The following GALM variants were observed in gnomAD, a reference collection of about 807,000 sequenced individuals.
GALM encodes the protein galactose mutarotase, also known as aldose 1-epimerase.
GALM carries 43 observed loss-of-function variants against 37.4 expected under a neutral mutation model. That is an observed-to-expected ratio of 1.15 (90% CI 0.90 to 1.48). GALM has a LOEUF of 1.48. Ranked by LOEUF, GALM falls within the 40% of genes most tolerant of loss-of-function variation. GALM has a pLI of 0.00. For missense variants in GALM, 456 were observed against 419.1 expected (o/e 1.09, Z -0.77); for synonymous variants, 199 against 170.6 (o/e 1.17, Z -1.30).
At chr2:38,687,031 C>G (rs1255447276) in intron 3 of GALM, among the ~76,000 whole-genome samples, 4 of 152,212 alleles carry the variant, frequency 2.6e-5, no homozygotes, top group Admixed American at 2.6e-4. Flanking sequence ...GGCCTGGAAC[C>G]CAACCTTCAC....
intron 2 of GALM, among the ~76,000 whole-genome samples, chr2:38,678,538 T>G (rs1285717116): frequency 6.6e-6 from 1 of 152,236 alleles, no homozygotes; most frequent in African/African-American, 2.4e-5. Context: ...ATTTCAATTA[T>G]TTAATTCCTG....
At chr2:38,672,060 C>T (rs924391086) in intron 1 of GALM, among the ~76,000 whole-genome samples, 6 of 151,860 alleles carry the variant, frequency 4.0e-5, no homozygotes, top group Admixed American at 2.0e-4. Flanking sequence ...AAACCCTATT[C>T]CTCCAAACCA....
chr2:38,678,252 C>T (rs955272220), intron 2 of GALM, among the ~76,000 whole-genome samples: 2 of 152,118 alleles, frequency 1.3e-5, no homozygotes, highest in Admixed American at 6.6e-5. Context: ...TCAGGTGATT[C>T]ACCCACCTCG....
At chr2:38,671,639 A>G (rs955471035) in intron 1 of GALM, among the ~76,000 whole-genome samples, 1 of 152,082 alleles carries the variant, frequency 6.6e-6, no homozygotes, top group African/African-American at 2.4e-5. Flanking sequence ...GGTAGTATAA[A>G]ATTTATTTGT....
At chr2:38,712,753 C>T (rs1331998230) in intron 4 of GALM, among the ~76,000 whole-genome samples, 3 of 152,246 alleles carry the variant, frequency 2.0e-5, no homozygotes, top group South Asian at 4.1e-4. Flanking sequence ...AAAGGAGGAG[C>T]GCAGGACAGC....
chr2:38,734,436 G>A lies in GALM; in HGVS notation c.*871G>A, dbSNP rs1215412277. On this transcript the variant is annotated 3_prime_UTR_variant, in exon 7 of 7. Coordinates refer to ENST00000272252, the MANE Select transcript of GALM (RefSeq NM_138801.3). ...AAAGCAGCTCTCTCTCTCGGGAGAG[G>A]GAGGGGACTTCCGAGAGGAAAAGGC... The A allele has an allele frequency of 2.6e-5, 4 of 151,234 alleles. No homozygotes were observed. The highest frequency in any genetic ancestry group is 5.9e-5 in the Non-Finnish European group (4 of 67,980). The allele number at this position is 151,234 out of a possible 1,614,324, so 9.4% of individuals were successfully genotyped here. A position where few individuals can be genotyped will look rare whatever the true frequency, so the allele number is the denominator to read the frequency against.
At chr2:38,687,933 C>A (rs564306551) in intron 3 of GALM, among the ~76,000 whole-genome samples, 14 of 152,102 alleles carry the variant, frequency 9.2e-5, no homozygotes, top group African/African-American at 3.4e-4. Flanking sequence ...ACCAGTCGGC[C>A]GGGCACAGTG....
At position 38,690,223 on chromosome 2, in the gene GALM, G is replaced by A. The variant is rs182476340; in HGVS notation, c.634+329G>A. 4.3e-3 allele frequency among the ~76,000 whole-genome samples: 659 copies of A among 152,202 alleles called. 10 individuals carry two copies. Among genetic ancestry groups the A allele is most frequent in the African/African-American group, 0.015 (619 of 41,530 alleles). ...GCGGTGGCTCACGCCTGTAATCCCAGCACTTTGAGAGGCCAAGGCGGTTGG... is the reference window on the plus strand; with the variant it reads ...GCGGTGGCTCACGCCTGTAATCCCAACACTTTGAGAGGCCAAGGCGGTTGG... On this transcript the variant is annotated intron_variant, in intron 4 of 6. Coordinates refer to ENST00000272252, the MANE Select transcript of GALM (RefSeq NM_138801.3).
At chr2:38,689,784 A>G in intron 3 of GALM, 29 bp from the exon 4 acceptor site, 1 of 1,346,904 alleles carries the variant, frequency 7.4e-7, no homozygotes. Context: ...GACTAAGCAG[A>G]AAACCTTTCC....
chr2:38,682,444 G>T (rs1401606858), intron 3 of GALM, among the ~76,000 whole-genome samples: 1 of 152,134 alleles, frequency 6.6e-6, no homozygotes, highest in Non-Finnish European at 1.5e-5. Flanking sequence ...TACTGTTTCA[G>T]GAGTTTGCTG....
At position 38,731,851 on chromosome 2, in the gene GALM, A is replaced by C. The variant is rs1464982382; in HGVS notation, c.893A>C (p.Tyr298Ser). 1 of 1,614,156 alleles carries C rather than the reference A, an allele frequency of 6.2e-7. No homozygotes were observed. The highest frequency in any genetic ancestry group is 2.2e-5 in the East Asian group (1 of 44,888). ...GTLKGKNGAVYPKHSGFCLET... is the reference protein window; with the variant it reads ...GTLKGKNGAVSPKHSGFCLET... ...TTAAAGGGCAAGAATGGAGCTGTCT[A>C]TCCCAAGCACTCCGGTTTCTGCCTG... Residue 298 changes from tyrosine to serine, a missense_variant, in exon 6 of 7, where the codon TAT (tyrosine) becomes TCT (serine). Transcript: ENST00000272252.
At chr2:38,714,196 CT>C (rs1666223869) in intron 4 of GALM, among the ~76,000 whole-genome samples, 1 of 151,764 alleles carries the variant, frequency 6.6e-6, no homozygotes, top group Admixed American at 6.6e-5. Flanking sequence ...CATTTAACTA[CT>C]TTGGGGTTTT....
At chr2:38,709,507 C>A (rs1666107896) in intron 4 of GALM, among the ~76,000 whole-genome samples, 1 of 151,870 alleles carries the variant, frequency 6.6e-6, no homozygotes, top group South Asian at 2.1e-4. Context: ...GCAATACCCT[C>A]CCCCGTTGCA....
chr2:38,670,473 AC>A (rs1665072450), intron 1 of GALM, among the ~76,000 whole-genome samples: 1 of 152,222 alleles, frequency 6.6e-6, no homozygotes, highest in Admixed American at 6.5e-5. Flanking sequence ...GCCCAGGAGC[AC>A]CCTGGTGGGA....
In GALM at chr2:38,675,971, GC is replaced by G. The variant is rs766630479; in HGVS notation, c.252del (p.Gly86GlufsTer59). 4 of 1,613,920 alleles carry G rather than the reference GC, an allele frequency of 2.5e-6. No homozygotes were observed. On this transcript the variant is annotated frameshift_variant, in exon 2 of 7. Coordinates refer to ENST00000272252, the MANE Select transcript of GALM (RefSeq NM_138801.3). LOFTEE classifies it high-confidence loss of function. Reference protein sequence around the residue: ...AVIGRVANRIAKGTFKVDGKE... With the variant: ...AVIGRVANRIXKGTFKVDGKE... ...TATTGGGAGGGTGGCCAACCGAATC[GC>G]CAAAGGAACCTTCAAGGTGGATGGG...
chr2:38,725,086 T>C (rs1175195471), intron 4 of GALM, among the ~76,000 whole-genome samples: 2 of 152,232 alleles, frequency 1.3e-5, no homozygotes, highest in African/African-American at 4.8e-5. Context: ...GGGTTAGATT[T>C]TGAGTTGACT....
chr2:38,686,294 C>A (rs1163821508), intron 3 of GALM, among the ~76,000 whole-genome samples: 1 of 106,546 alleles, frequency 9.4e-6, no homozygotes, highest in Non-Finnish European at 1.9e-5. Context: ...GAGATGGAGT[C>A]TCGCTCTGTC....
intron 1 of GALM, among the ~76,000 whole-genome samples, chr2:38,670,288 C>T (rs539200618): frequency 1.3e-5 from 2 of 152,312 alleles, no homozygotes; most frequent in African/African-American, 4.8e-5. Flanking sequence ...ATTGAAACGC[C>T]TTCCTTTTCA....
intron 4 of GALM, among the ~76,000 whole-genome samples, chr2:38,709,565 A>T (rs1161959318): frequency 6.6e-6 from 1 of 152,094 alleles, no homozygotes; most frequent in African/African-American, 2.4e-5. Flanking sequence ...AAAAAAAAAA[A>T]AACATAAGAC....
Sources: gnomAD v4.1 joint callset for allele counts (sites outside exome capture counted in the v4.1 genomes callset) on GRCh38, gnomAD v4.1.1 for gene constraint, MANE v1.5 for transcripts, NCBI Gene and HGNC (gene_info 2026-07-23, HGNC 2026-07-21) for gene names.